The following ZPLD1 variants were observed in gnomAD, a reference collection of about 807,000 sequenced individuals.
ZPLD1 encodes the protein zona pellucida like domain containing 1.
Under a neutral mutation model 47.2 loss-of-function variants are expected in ZPLD1, and 34 were observed. That is an observed-to-expected ratio of 0.72 (90% CI 0.55 to 0.96). ZPLD1 has a LOEUF of 0.96. ZPLD1 is among the 40% of genes least tolerant of loss of function. The pLI, the probability that ZPLD1 is intolerant of heterozygous loss-of-function variation, is 0.00. For synonymous variants in ZPLD1, 176 were observed against 186.2 expected (o/e 0.95, Z 0.45); for missense variants, 512 against 505.8 (o/e 1.01, Z -0.12).
chr3:102,432,638 A>T (rs896919135), upstream of ZPLD1, among the ~76,000 whole-genome samples: 1 of 152,114 alleles, frequency 6.6e-6, no homozygotes, highest in African/African-American at 2.4e-5. Context: ...TTTTCAGGTC[A>T]CAGGGGTGCT....
chr3:102,446,595 G>A (rs1441882532), intron 3 of ZPLD1, among the ~76,000 whole-genome samples: 1 of 151,824 alleles, frequency 6.6e-6, no homozygotes, highest in Non-Finnish European at 1.5e-5. Flanking sequence ...TTTTATCTTA[G>A]GGCATAATCC....
At chr3:102,462,234 C>A in intron 6 of ZPLD1, 47 bp from the exon 7 acceptor site, 1 of 1,167,470 alleles carries the variant, frequency 8.6e-7, no homozygotes, top group Non-Finnish European at 1.3e-6. Flanking sequence ...AGTAAGTGTG[C>A]TGTTGTTGGG....
intron 7 of ZPLD1, among the ~76,000 whole-genome samples, chr3:102,411,751 A>T (rs1196338251): frequency 6.6e-6 from 1 of 151,850 alleles, no homozygotes; most frequent in Non-Finnish European, 1.5e-5. Flanking sequence ...AACTAAAAAT[A>T]AAATTAATTA....
intron 9 of ZPLD1, 141 bp downstream of exon 9, chr3:102,469,276 A>T (rs1310938309): frequency 1.1e-6 from 1 of 900,186 alleles, no homozygotes; most frequent in Non-Finnish European, 1.6e-6. Flanking sequence ...TCATTTGTCT[A>T]GTAAAGATCT....
chr3:102,398,072 T>TAGATTC (rs950778015), intron 7 of ZPLD1, among the ~76,000 whole-genome samples: 2 of 152,066 alleles, frequency 1.3e-5, no homozygotes, highest in Non-Finnish European at 2.9e-5. Flanking sequence ...TATATACATA[T>TAGATTC]AGATTCAGCA....
At chr3:102,402,840 T>C (rs1706637097) in intron 7 of ZPLD1, among the ~76,000 whole-genome samples, 1 of 152,020 alleles carries the variant, frequency 6.6e-6, no homozygotes, top group Admixed American at 6.6e-5. Context: ...ATTTTAATCA[T>C]GGTCCTTATA....
chr3:102,430,873 A>C (rs1576142260), upstream of ZPLD1, among the ~76,000 whole-genome samples: 1 of 152,300 alleles, frequency 6.6e-6, no homozygotes, highest in East Asian at 1.9e-4. Flanking sequence ...TGAGCAATTA[A>C]GATAACTAGT....
In ZPLD1 at chr3:102,470,461, G is replaced by A. The variant is rs1707663270; in HGVS notation, c.1001G>A (p.Gly334Asp). Residue 334 changes from glycine to aspartate, a missense_variant, in exon 10 of 12, where the codon GGC becomes GAC. By Grantham distance (94) the Gly-to-Asp change is moderately conservative. Coordinates refer to ENST00000466937, the MANE Select transcript of ZPLD1 (RefSeq NM_001329788.2). ...ACTTGGAGCCCCCAGAGCTCTTCTG[G>A]CAGCGCGGTGCTCTCTGCTGGTCCC... is the stretch of plus-strand genomic sequence containing the variant. The part of the protein sequence containing the change: ...RTTWSPQSSS[G>D]SAVLSAGPII... 6.2e-7 allele frequency: 1 copy of A among 1,613,878 alleles called. No homozygotes were observed. Among genetic ancestry groups the A allele is most frequent in the Non-Finnish European group, 8.5e-7 (1 of 1,179,988 alleles).
intron 9 of ZPLD1, 79 bp downstream of exon 9, chr3:102,469,214 C>A: frequency 1.4e-6 from 2 of 1,456,864 alleles, no homozygotes; most frequent in Non-Finnish European, 1.9e-6. Context: ...AAACTAAGTT[C>A]TGCATAGAAA....
chr3:102,456,928 T>C (rs1707425924), intron 5 of ZPLD1, among the ~76,000 whole-genome samples: 1 of 152,152 alleles, frequency 6.6e-6, no homozygotes. Context: ...GGCAAGGAGC[T>C]CCAAATACGG....
chr3:102,430,189 C>G (rs1707001049), upstream of ZPLD1, among the ~76,000 whole-genome samples: 1 of 152,170 alleles, frequency 6.6e-6, no homozygotes, highest in South Asian at 2.1e-4. Context: ...AAAGTATTGA[C>G]TGTTTTGACA....
chr3:102,386,566 A>C (rs1706427417), intron 6 of ZPLD1, among the ~76,000 whole-genome samples: 1 of 152,122 alleles, frequency 6.6e-6, no homozygotes. Flanking sequence ...AGAACCTAAG[A>C]GGTTGTTTGT....
intron 2 of ZPLD1, 56 bp downstream of exon 2, chr3:102,437,029 C>T (rs1195104064): frequency 2.7e-6 from 2 of 743,952 alleles, no homozygotes; most frequent in African/African-American, 3.8e-5. Flanking sequence ...TAGTGTCTTC[C>T]AAAGACTCCA....
chr3:102,396,286 T>C (rs1706556671), intron 7 of ZPLD1, among the ~76,000 whole-genome samples: 1 of 152,192 alleles, frequency 6.6e-6, no homozygotes, highest in Non-Finnish European at 1.5e-5. Flanking sequence ...AGTCTTCACA[T>C]GCAAGCTGCT....
chr3:102,391,364 C>T (rs1706493085), intron 6 of ZPLD1, among the ~76,000 whole-genome samples: 1 of 152,118 alleles, frequency 6.6e-6, no homozygotes, highest in South Asian at 2.1e-4. Context: ...ACAATGTCTC[C>T]CATCTCCCAT....
At position 102,452,933 on chromosome 3, in the gene ZPLD1, A is replaced by G. The variant is rs777959880; in HGVS notation, c.121A>G (p.Ser41Gly). The change falls in exon 4 of 12, where the codon AGT (serine) becomes GGT (glycine). Residue 41 changes from serine (S) to glycine (G), a missense_variant. By Grantham distance (56) the Ser-to-Gly change is moderately conservative. Coordinates refer to ENST00000466937, the MANE Select transcript of ZPLD1 (RefSeq NM_001329788.2). ...HSRFPAERDI[S>G]VYCGVQAITM... ...TTTTATTTCAGCTGAAAGAGACATC[A>G]GTGTCTATTGTGGAGTGCAGGCTAT... 5.6e-6 allele frequency: 9 copies of G among 1,613,942 alleles called. No individual in the cohort carries two copies. The Admixed American group carries it at 1.3e-4, about 24-fold the overall frequency.
At chr3:102,446,193 A>G (rs1707253117) in intron 3 of ZPLD1, among the ~76,000 whole-genome samples, 1 of 152,246 alleles carries the variant, frequency 6.6e-6, no homozygotes, top group Admixed American at 6.5e-5. Context: ...CTATTAGTTT[A>G]TAATTTAACA....
At chr3:102,391,634 A>G (rs771071255) in intron 6 of ZPLD1, among the ~76,000 whole-genome samples, 6 of 152,040 alleles carry the variant, frequency 3.9e-5, no homozygotes, top group Non-Finnish European at 7.4e-5. Context: ...TACTAGCCCT[A>G]AGTGAGCCAT....
chr3:102,400,988 C>T (rs573903035), intron 7 of ZPLD1, among the ~76,000 whole-genome samples: 6 of 152,066 alleles, frequency 3.9e-5, no homozygotes, highest in Non-Finnish European at 7.4e-5. Context: ...GTCATTTCCT[C>T]TGCTTTCTTA....
Sources: allele counts gnomAD v4.1 joint callset (sites outside exome capture counted in the v4.1 genomes callset), GRCh38; gene constraint gnomAD v4.1.1; transcripts MANE v1.5; gene names NCBI Gene and HGNC (gene_info 2026-07-23, HGNC 2026-07-21).